ABCA13: variants seen among roughly 807,000 people sequenced by gnomAD.
ABCA13 encodes ATP-binding cassette sub-family A member 13.
ABCA13 carries 476 observed loss-of-function variants against 478.7 expected under a neutral mutation model. That is an observed-to-expected ratio of 0.99 (90% CI 0.92 to 1.07). The LOEUF (loss-of-function observed/expected upper bound fraction) is 1.07, where lower values mean the gene tolerates loss of function less well. Among genes scored for constraint, ABCA13 ranks in the 50% least tolerant of loss-of-function variants. The pLI is 0.00. For missense variants in ABCA13, 6,060 were observed against 5,910.6 expected (o/e 1.03, Z -0.83); for synonymous variants, 2,252 against 2,158.9 (o/e 1.04, Z -1.20).
chr7:48,616,500 C>T (rs1346162138), intron 59 of ABCA13, among the ~76,000 whole-genome samples: 1 of 152,120 alleles, frequency 6.6e-6, no homozygotes, highest in African/African-American at 2.4e-5. Context: ...TTTATGTTTA[C>T]AAAAGTTTCC....
rs1388717126 is a variant in ABCA13, at chr7:48,231,906, CCCT to C, written c.763+1956_763+1958del. Among the ~76,000 whole-genome samples the C allele has an allele frequency of 3.3e-5, 5 of 152,140 alleles. No homozygotes were observed. The East Asian group carries it at 9.7e-4, about 29-fold the overall frequency. On this transcript the variant is annotated intron_variant, in intron 7 of 61. Transcript: ENST00000435803. ...CAAACTCCTGACCTCAGGTGATCTG[CCCT>C]CCTCGGCCTCCCAAAGTGCTGGGAT...
At chr7:48,297,940 A>ATTTT (rs35586036) in intron 22 of ABCA13, among the ~76,000 whole-genome samples, 12 of 131,280 alleles carry the variant, frequency 9.1e-5, no homozygotes, top group African/African-American at 3.3e-4. Flanking sequence ...ATGCCCGGCT[A>ATTTT]TTTTTTTTTT....
chr7:48,382,925 C>T (rs1173442677), intron 35 of ABCA13, among the ~76,000 whole-genome samples: 1 of 152,082 alleles, frequency 6.6e-6, no homozygotes, highest in Non-Finnish European at 1.5e-5. Flanking sequence ...ATCCGGAGAA[C>T]AGAAGGGCAA....
chr7:48,264,895 T>C (rs1794673288), intron 15 of ABCA13, among the ~76,000 whole-genome samples: 1 of 151,794 alleles, frequency 6.6e-6, no homozygotes, highest in East Asian at 1.9e-4. Flanking sequence ...ATATTTTTTC[T>C]ATGAGTTTAA....
In ABCA13 at chr7:48,241,806, T is replaced by C. The variant is rs76907189; in HGVS notation, c.1262+740T>C. On this transcript the variant is annotated intron_variant, in intron 10 of 61. Transcript: ENST00000435803. ...GACCATATTGTGTTCTTATGATTAC[T>C]TAAGAAATAGCAATTCTAAACACTT... 5.7e-3 allele frequency among the ~76,000 whole-genome samples: 872 copies of C among 152,356 alleles called. 10 individuals are homozygous for C. The highest frequency in any genetic ancestry group is 0.02 in the African/African-American group (828 of 41,586).
intron 38 of ABCA13, among the ~76,000 whole-genome samples, chr7:48,402,565 AT>A (rs757381619): frequency 6.6e-5 from 10 of 152,262 alleles, no homozygotes; most frequent in African/African-American, 1.4e-4. Flanking sequence ...TGGATGAAAC[AT>A]TAAGTGCACA....
At chr7:48,537,760 G>C (rs2131102996) in intron 55 of ABCA13, among the ~76,000 whole-genome samples, 1 of 152,152 alleles carries the variant, frequency 6.6e-6, no homozygotes, top group South Asian at 2.1e-4. Flanking sequence ...GGGTGACTCA[G>C]GACAGAGCAG....
Position 48,293,197 on chromosome 7 carries a change from C to A in ABCA13, c.8956-2503C>A, listed in dbSNP as rs866635712. Among the ~76,000 whole-genome samples the A allele has an allele frequency of 4.8e-4, 61 of 127,160 alleles. 1 individual carries two copies. Among genetic ancestry groups the A allele is most frequent in the East Asian group, 2.6e-3 (10 of 3,832 alleles). The allele number at this position is 127,160 out of a possible 152,430, so 83.4% of individuals were successfully genotyped here. A position where few individuals can be genotyped will look rare whatever the true frequency, so the allele number is the denominator to read the frequency against. ...CATTTCCTGAGAAGTCTTCAGCCCCCCCCCCGCCACACACACACTAAATCT... is the reference window on the plus strand; with the variant it reads ...CATTTCCTGAGAAGTCTTCAGCCCCACCCCCGCCACACACACACTAAATCT... On this transcript the variant is annotated intron_variant, in intron 20 of 61. Coordinates refer to ENST00000435803, the MANE Select transcript of ABCA13 (RefSeq NM_152701.5).
intron 55 of ABCA13, among the ~76,000 whole-genome samples, chr7:48,562,121 A>G (rs1786529830): frequency 6.6e-6 from 1 of 151,220 alleles, no homozygotes; most frequent in Non-Finnish European, 1.5e-5. Context: ...GGAGGTGGAT[A>G]CAAAGTTTGC....
At chr7:48,440,771 G>A (rs1823480658) in intron 42 of ABCA13, among the ~76,000 whole-genome samples, 2 of 151,624 alleles carry the variant, frequency 1.3e-5, no homozygotes, top group South Asian at 2.1e-4. Context: ...TTTTAGAAAC[G>A]ATAATTTTAT....
chr7:48,225,756 A>G (rs1788118582), intron 5 of ABCA13, among the ~76,000 whole-genome samples: 1 of 152,146 alleles, frequency 6.6e-6, no homozygotes, highest in Non-Finnish European at 1.5e-5. Context: ...GATGGCAGAT[A>G]ATAACATGCT....
intron 48 of ABCA13, among the ~76,000 whole-genome samples, chr7:48,502,197 C>T (rs1034413666): frequency 1.3e-5 from 2 of 152,068 alleles, no homozygotes; most frequent in Non-Finnish European, 2.9e-5. Context: ...TTACTAACTA[C>T]AGGAGCAGTC....
Position 48,455,175 on chromosome 7 carries a change from T to C in ABCA13, c.12704T>C (p.Leu4235Pro). ...CTCGCCGACCTGCTGCTGCCAGTCC[T>C]CTTCGTGGCCTTGGCCATGGGCTTG... ...STLADLLLPV[L>P]FVALAMGLFM... The change falls in exon 43 of 62, where the codon CTC (leucine) becomes CCC (proline). Residue 4235 changes from leucine (L) to proline (P), a missense_variant. This residue lies in a region of ABCA13 where 1,627 missense variants were observed against 1,571.0 expected (regional missense o/e 1.04). Coordinates refer to ENST00000435803, the MANE Select transcript of ABCA13 (RefSeq NM_152701.5). 1.9e-6 allele frequency: 3 copies of C among 1,587,634 alleles called. No homozygotes were observed. The East Asian group carries it at 6.9e-5, about 37-fold the overall frequency.
chr7:48,397,271 C>T (rs1304383073), intron 38 of ABCA13, among the ~76,000 whole-genome samples: 1 of 152,112 alleles, frequency 6.6e-6, no homozygotes, highest in Non-Finnish European at 1.5e-5. Context: ...GGAACAGATA[C>T]TCCAAGAGAT....
rs566618744 is a variant in ABCA13, at chr7:48,293,199, C to A, written c.8956-2501C>A. ...TTTCCTGAGAAGTCTTCAGCCCCCC[C>A]CCCGCCACACACACACTAAATCTAC... On this transcript the variant is annotated intron_variant, in intron 20 of 61. Transcript: ENST00000435803. Among the ~76,000 whole-genome samples, 82 of 135,850 alleles carry A rather than the reference C, an allele frequency of 6.0e-4. 2 individuals are homozygous for A. Among genetic ancestry groups the A allele is most frequent in the African/African-American group, 1.8e-3 (70 of 38,530 alleles). 89.1% of individuals were successfully genotyped at this position (135,850 alleles called of 152,430 possible).
chr7:48,474,980 C>T (rs78285335), intron 45 of ABCA13, among the ~76,000 whole-genome samples: 2,151 of 152,278 alleles, frequency 0.014, 54 homozygotes, highest in African/African-American at 0.048. Flanking sequence ...TAGTCAAATA[C>T]GTTTTGCAAA....
At chr7:48,508,624 A>T in intron 50 of ABCA13, among the ~76,000 whole-genome samples, 1 of 152,324 alleles carries the variant, frequency 6.6e-6, no homozygotes, top group East Asian at 1.9e-4. Context: ...AGTTGTTCTT[A>T]GTGGTCAATA....
chr7:48,338,456 G>C lies in ABCA13; in HGVS notation c.10204+1G>C. On this transcript the variant is annotated splice_donor_variant, in intron 29 of 61. Coordinates refer to ENST00000435803, the MANE Select transcript of ABCA13 (RefSeq NM_152701.5). LOFTEE classifies it high-confidence loss of function. ...CTTACTGAAAAACTCCAGACATACGGTAAGTGTGCTGATGGGCATGGTAGT... is the reference window on the plus strand; with the variant it reads ...CTTACTGAAAAACTCCAGACATACGCTAAGTGTGCTGATGGGCATGGTAGT... 6.3e-7 allele frequency: 1 copy of C among 1,584,628 alleles called. No homozygotes were observed. Among genetic ancestry groups the C allele is most frequent in the Non-Finnish European group, 8.6e-7 (1 of 1,164,320 alleles).
rs865959469 is a variant in ABCA13 at position 48,261,891 on chromosome 7, G to A, written c.2006-7089G>A. On this transcript the variant is annotated intron_variant, in intron 15 of 61. Transcript: ENST00000435803. ...GGTGATGGAAAGTGCCATGTCAAAG[G>A]GGGTGGCTTGTAAAGTGGGAGACAT... is the stretch of plus-strand genomic sequence containing the variant. Among the ~76,000 whole-genome samples the A allele has an allele frequency of 2.0e-5, 3 of 151,992 alleles. No homozygotes were observed. In the South Asian group the frequency reaches 6.2e-4, roughly 32 times the overall value.
Sources: gnomAD v4.1 joint callset for allele counts (sites outside exome capture counted in the v4.1 genomes callset) on GRCh38, gnomAD v4.1.1 for gene constraint, gnomAD v4.1.1 regional missense constraint, MANE v1.5 for transcripts, NCBI Gene and HGNC (gene_info 2026-07-23, HGNC 2026-07-21) for gene names.